The following GLS2 variants were observed in gnomAD, a reference collection of about 807,000 sequenced individuals.
The protein encoded by GLS2 is glutaminase 2.
Under a neutral mutation model 79.0 loss-of-function variants are expected in GLS2, and 52 were observed. The observed-to-expected ratio is 0.66, with a 90% CI of 0.53 to 0.83. GLS2 has a LOEUF of 0.83. GLS2 is among the 40% of genes least tolerant of loss of function. The pLI is 0.00. For synonymous variants in GLS2, 238 were observed against 280.8 expected (o/e 0.85, Z 1.52); for missense variants, 561 against 764.8 (o/e 0.73, Z 3.14).
intron 1 of GLS2, 112 bp from the exon 2 acceptor site, chr12:56,480,499 C>A (rs759257198): frequency 1.3e-6 from 1 of 773,704 alleles, no homozygotes; most frequent in Non-Finnish European, 2.3e-6. Flanking sequence ...TATGCCTCCT[C>A]CTTAAGCCAT....
chr12:56,471,955 A>G, intron 16 of GLS2, 119 bp from the exon 17 acceptor site: 1 of 1,279,224 alleles, frequency 7.8e-7, no homozygotes, highest in Non-Finnish European at 1.1e-6. Flanking sequence ...CCCATTTTGT[A>G]CCCTGCAGCA....
At chr12:56,477,467 A>G in intron 7 of GLS2, 193 bp downstream of exon 7, 1 of 548,352 alleles carries the variant, frequency 1.8e-6, no homozygotes, top group Non-Finnish European at 3.3e-6. Context: ...GGGATGACGG[A>G]GGTGGTGCAG....
Position 56,480,297 on chromosome 12 carries a change from C to T in GLS2, c.273G>A (p.Lys91=), listed in dbSNP as rs368337461. Residue 91 remains lysine, a synonymous_variant, in exon 2 of 18, where the codon AAG becomes AAA. Coordinates refer to ENST00000311966, the MANE Select transcript of GLS2 (RefSeq NM_013267.4). Reference sequence around the variant, plus strand: ...GTAGAGGGCAACTTACAGTGGTGAACTTGTGGATAGGGATTCGTTCCTGTC... The same window carrying T: ...GTAGAGGGCAACTTACAGTGGTGAATTTGTGGATAGGGATTCGTTCCTGTC... ...AEGQERIPIH[K]FTTALKATGL... is the part of the protein sequence containing the mutation. The T allele has an allele frequency of 6.2e-7, 1 of 1,613,960 alleles. No homozygotes were observed. The highest frequency in any genetic ancestry group is 1.1e-5 in the South Asian group (1 of 91,084).
rs759065119 is a variant in GLS2 at position 56,478,043 on chromosome 12, G to A, written c.668C>T (p.Pro223Leu). The change falls in exon 6 of 18, where the codon CCC becomes CTC. Residue 223 changes from proline to leucine, a missense_variant. Pro to Leu is a moderately conservative substitution (Grantham distance 98). This residue lies in a region of GLS2 where 221 missense variants were observed against 275.6 expected (regional missense o/e 0.80). Transcript: ENST00000311966. Reference protein sequence around the residue: ...IPFCLQSCVKPLTYAISISTL... With the variant: ...IPFCLQSCVKLLTYAISISTL... ...GCTTATGGAGATGGCATAGGTGAGGGGCTTCACACAGGACTGCAGGCAGAA... is the reference window on the plus strand; with the variant it reads ...GCTTATGGAGATGGCATAGGTGAGGAGCTTCACACAGGACTGCAGGCAGAA... The A allele has an allele frequency of 1.9e-6, 3 of 1,614,114 alleles. No individual in the cohort carries two copies. Among genetic ancestry groups the A allele is most frequent in the Non-Finnish European group, 2.5e-6 (3 of 1,180,046 alleles).
intron 3 of GLS2, chr12:56,479,475 A>T (rs1233807353): frequency 7.8e-6 from 3 of 385,016 alleles, no homozygotes; most frequent in African/African-American, 6.2e-5. Flanking sequence ...AAATCATAAA[A>T]GTATATTTAT....
At chr12:56,475,919 A>C (rs1287882411) in intron 8 of GLS2, 26 bp downstream of exon 8, 1 of 1,613,244 alleles carries the variant, frequency 6.2e-7, no homozygotes, top group Non-Finnish European at 8.5e-7. Flanking sequence ...AAATGCAGCC[A>C]GGGGCTAAGT....
chr12:56,477,492 A>C, intron 7 of GLS2, 168 bp downstream of exon 7: 1 of 643,152 alleles, frequency 1.6e-6, no homozygotes, highest in East Asian at 2.6e-5. Context: ...TTATACTGAC[A>C]TTGTCAGCAT....
At chr12:56,481,892 AAAAC>A (rs1184289776) in intron 1 of GLS2, among the ~76,000 whole-genome samples, 2 of 150,824 alleles carry the variant, frequency 1.3e-5, no homozygotes, top group South Asian at 2.1e-4. Flanking sequence ...ACTCCATCTC[AAAAC>A]AAACAAACAA....
chr12:56,485,887 C>G (rs1361893756), intron 1 of GLS2, among the ~76,000 whole-genome samples: 8 of 151,392 alleles, frequency 5.3e-5, no homozygotes, highest in Non-Finnish European at 7.4e-5. Context: ...ATTAAAAATA[C>G]AAAAATTAGC....
chr12:56,474,616 T>TTCAGCAC lies in GLS2; in HGVS notation c.1145_1151dup (p.Ala385CysfsTer2). 6.2e-7 allele frequency: 1 copy of TTCAGCAC among 1,614,212 alleles called. No homozygotes were observed. Among genetic ancestry groups the TTCAGCAC allele is most frequent in the Non-Finnish European group, 8.5e-7 (1 of 1,180,042 alleles). ...TGAGGCTGAGGGTGTTGCGCACTGC[T>TTCAGCAC]TCAGCACTCAGCACACTCTCGCCTG... is the stretch of plus-strand genomic sequence containing the variant. On this transcript the variant is annotated stop_gained and frameshift_variant, in exon 12 of 18. Coordinates refer to ENST00000311966, the MANE Select transcript of GLS2 (RefSeq NM_013267.4). LOFTEE classifies it high-confidence loss of function.
intron 2 of GLS2, 105 bp from the exon 3 acceptor site, chr12:56,480,006 A>C: frequency 7.1e-7 from 1 of 1,414,424 alleles, no homozygotes; most frequent in Non-Finnish European, 9.6e-7. Flanking sequence ...CAACCACTAC[A>C]ATAGGTGGAA....
chr12:56,484,064 G>A (rs1387493777), intron 1 of GLS2, among the ~76,000 whole-genome samples: 1 of 152,128 alleles, frequency 6.6e-6, no homozygotes, highest in African/African-American at 2.4e-5. Flanking sequence ...GAGGTAAGGA[G>A]TTCGAGACCA....
chr12:56,487,906 C>A lies in GLS2; in HGVS notation c.182+31G>T, dbSNP rs540118409. On this transcript the variant is annotated intron_variant, in intron 1 of 17. Transcript: ENST00000311966. The stretch of plus-strand genomic sequence containing the variant: ...GAACCACAGTGGGAGTGGGGGCAAG[C>A]CCGTCCCCTGCCCTGTCCCAGGAGC... The A allele has an allele frequency of 2.5e-5, 39 of 1,591,324 alleles. 1 individual carries two copies. In the South Asian group the frequency reaches 4.3e-4, roughly 18 times the overall value.
chr12:56,479,363 G>C (rs1870101520), intron 3 of GLS2, 182 bp from the exon 4 acceptor site: 2 of 642,180 alleles, frequency 3.1e-6, no homozygotes, highest in African/African-American at 3.7e-5. Context: ...CTAAAATGAG[G>C]GGTTTTAATG....
At chr12:56,478,860 G>A in intron 4 of GLS2, 192 bp downstream of exon 4, 1 of 612,614 alleles carries the variant, frequency 1.6e-6, no homozygotes, top group Non-Finnish European at 2.7e-6. Flanking sequence ...GGGCATGGTG[G>A]TGTATGCCAG....
intron 3 of GLS2, chr12:56,479,475 A>C (rs1233807353): frequency 2.6e-6 from 1 of 385,134 alleles, no homozygotes; most frequent in Non-Finnish European, 4.6e-6. Context: ...AAATCATAAA[A>C]GTATATTTAT....
At chr12:56,472,299 A>C (rs1592271934) in intron 15 of GLS2, 104 bp from the exon 16 acceptor site, 149 of 1,020,918 alleles carry the variant, frequency 1.5e-4, no homozygotes, top group Admixed American at 3.6e-5. Context: ...AGAAAGTGAA[A>C]CAGCCTATAG....
intron 4 of GLS2, 177 bp downstream of exon 4, chr12:56,478,875 T>A (rs1870053971): frequency 1.4e-6 from 1 of 708,142 alleles, no homozygotes; most frequent in South Asian, 2.0e-5. Context: ...TGCCAGCTAC[T>A]CGGGAGGCTG....
At chr12:56,473,012 C>T (rs1248529032) in intron 14 of GLS2, 1 of 595,720 alleles carries the variant, frequency 1.7e-6, no homozygotes, top group Non-Finnish European at 2.9e-6. Flanking sequence ...GCCTCAGCCT[C>T]CCAAGTAGCT....
Sources: gnomAD v4.1 joint callset for allele counts (sites outside exome capture counted in the v4.1 genomes callset) on GRCh38, gnomAD v4.1.1 for gene constraint, gnomAD v4.1.1 regional missense constraint, MANE v1.5 for transcripts, NCBI Gene and HGNC (gene_info 2026-07-23, HGNC 2026-07-21) for gene names.